Variants in POC1A observed in about 807,000 individuals in gnomAD.
The protein encoded by POC1A is POC1 centriolar protein homolog A.
POC1A carries 34 observed loss-of-function variants against 47.8 expected under a neutral mutation model. That is an observed-to-expected ratio of 0.71 (90% confidence interval 0.54 to 0.95). POC1A has a LOEUF of 0.95. Ranked by LOEUF, POC1A falls within the 40% of genes least tolerant of loss-of-function variation. POC1A has a pLI of 0.00. For synonymous variants in POC1A, 177 were observed against 207.6 expected (o/e 0.85, Z 1.27); for missense variants, 466 against 528.3 (o/e 0.88, Z 1.16).
chr3:52,133,962 G>A (rs547128382), intron 7 of POC1A, among the ~76,000 whole-genome samples: 2 of 152,216 alleles, frequency 1.3e-5, no homozygotes, highest in African/African-American at 2.4e-5. Flanking sequence ...CTCTCTCGCA[G>A]CTCTCCCAAG....
chr3:52,151,169 T>C, intron 1 of POC1A, 69 bp from the exon 2 acceptor site: 1 of 1,604,696 alleles, frequency 6.2e-7, no homozygotes, highest in Middle Eastern at 1.7e-4. Flanking sequence ...GCCAGCACTC[T>C]TCCTACAACA....
intron 9 of POC1A, among the ~76,000 whole-genome samples, chr3:52,106,176 G>A (rs1206761725): frequency 4.2e-5 from 4 of 94,554 alleles, no homozygotes; most frequent in African/African-American, 8.0e-5. Flanking sequence ...GAGAGACTAC[G>A]TCTCAAAAAA....
intron 7 of POC1A, among the ~76,000 whole-genome samples, chr3:52,130,493 G>C (rs1437919328): frequency 6.6e-6 from 1 of 152,196 alleles, no homozygotes. Context: ...GACCCTGGCC[G>C]AAGACACCTG....
rs539829904 is a variant in POC1A, at chr3:52,122,380, A to G, written c.980T>C (p.Leu327Pro). 2.0e-5 allele frequency: 31 copies of G among 1,586,532 alleles called. No individual in the cohort carries two copies. In the Admixed American group the frequency reaches 5.2e-4, roughly 26 times the overall value. The change falls in exon 9 of 11, where the codon CTG becomes CCG. Residue 327 changes from leucine (L) to proline (P), a missense_variant and splice_region_variant. Transcript: ENST00000296484. ...GGACATGCCTGCCAAGCCACTTACC[A>G]GATTCCCCATGGAGCTGGCCAGTGT... Reference protein sequence around the residue: ...PATLASSMGNLPEVDFPVPPG... With the variant: ...PATLASSMGNPPEVDFPVPPG...
At chr3:52,076,952 C>T (rs557392519) in intron 10 of POC1A, among the ~76,000 whole-genome samples, 15 of 152,398 alleles carry the variant, frequency 9.8e-5, no homozygotes, top group African/African-American at 3.6e-4. Context: ...CCTCCTCTGG[C>T]TTTGGATAGA....
At chr3:52,134,090 C>T (rs531868970) in intron 7 of POC1A, among the ~76,000 whole-genome samples, 2 of 152,266 alleles carry the variant, frequency 1.3e-5, no homozygotes, top group South Asian at 2.1e-4. Context: ...CCGACATAAG[C>T]CTGCTGGTAC....
chr3:52,096,841 A>G, intron 9 of POC1A, 129 bp from the exon 10 acceptor site: 1 of 789,740 alleles, frequency 1.3e-6, no homozygotes, highest in Non-Finnish European at 1.9e-6. Context: ...TCCAAGTGTC[A>G]GTAAGAAACA....
intron 2 of POC1A, 129 bp downstream of exon 2, chr3:52,150,887 A>C: frequency 1.3e-6 from 1 of 755,668 alleles, no homozygotes; most frequent in Non-Finnish European, 2.2e-6. Context: ...AGCAGAAGCA[A>C]GACTAGAAGC....
At chr3:52,149,125 G>C in intron 4 of POC1A, 85 bp downstream of exon 4, 13 of 1,170,590 alleles carry the variant, frequency 1.1e-5, no homozygotes, top group Non-Finnish European at 1.7e-5. Context: ...CTTGCCCGAG[G>C]TCATAAGTTG....
chr3:52,138,604 C>A (rs942030094), intron 6 of POC1A, among the ~76,000 whole-genome samples: 11 of 152,218 alleles, frequency 7.2e-5, no homozygotes, highest in African/African-American at 2.4e-5. Context: ...CAGCACCAAG[C>A]GGTCAAGCTG....
At chr3:52,114,786 T>C (rs894212222) in intron 9 of POC1A, among the ~76,000 whole-genome samples, 9 of 152,178 alleles carry the variant, frequency 5.9e-5, no homozygotes, top group Non-Finnish European at 1.2e-4. Flanking sequence ...GTCCCCACTG[T>C]TCCCAAGTCA....
intron 10 of POC1A, among the ~76,000 whole-genome samples, chr3:52,091,038 G>A (rs1235429414): frequency 2.0e-5 from 3 of 152,208 alleles, no homozygotes; most frequent in African/African-American, 7.2e-5. Flanking sequence ...CTGACTCCTT[G>A]TCTGGGTTTT....
chr3:52,135,623 G>A (rs1426719982), intron 7 of POC1A, among the ~76,000 whole-genome samples: 2 of 152,174 alleles, frequency 1.3e-5, no homozygotes, highest in Non-Finnish European at 2.9e-5. Context: ...AGCAAACGCT[G>A]GCAGACCTGG....
intron 9 of POC1A, among the ~76,000 whole-genome samples, chr3:52,118,260 C>T (rs941914348): frequency 2.6e-5 from 4 of 152,164 alleles, no homozygotes; most frequent in Admixed American, 2.6e-4. Context: ...TCATCTGCAA[C>T]CTTCTAAGTA....
At chr3:52,133,670 G>A (rs1210153001) in intron 7 of POC1A, among the ~76,000 whole-genome samples, 1 of 152,120 alleles carries the variant, frequency 6.6e-6, no homozygotes, top group Non-Finnish European at 1.5e-5. Flanking sequence ...AGGTAAATCA[G>A]GGTGAGTTTG....
intron 1 of POC1A, among the ~76,000 whole-genome samples, 184 bp downstream of exon 1, chr3:52,154,171 G>T (rs529496077): frequency 6.6e-6 from 1 of 152,362 alleles, no homozygotes; most frequent in African/African-American, 2.4e-5. Flanking sequence ...GGCCTGGCAC[G>T]CAGGAGGCGC....
At chr3:52,148,029 C>G (rs1180142836) in intron 4 of POC1A, among the ~76,000 whole-genome samples, 1 of 152,252 alleles carries the variant, frequency 6.6e-6, no homozygotes, top group Non-Finnish European at 1.5e-5. Flanking sequence ...CATAAAGCCC[C>G]AGCACTGCCC....
chr3:52,099,590 C>T (rs145796482), intron 9 of POC1A, among the ~76,000 whole-genome samples: 9 of 152,324 alleles, frequency 5.9e-5, no homozygotes, highest in African/African-American at 1.9e-4. Flanking sequence ...GTGACTTACA[C>T]CTGTAACCCA....
intron 8 of POC1A, among the ~76,000 whole-genome samples, chr3:52,123,979 G>A (rs1577879889): frequency 6.6e-6 from 1 of 152,330 alleles, no homozygotes; most frequent in Non-Finnish European, 1.5e-5. Context: ...TGGTGCTGGT[G>A]TGGGAAGATG....
Sources: allele counts gnomAD v4.1 joint callset (sites outside exome capture counted in the v4.1 genomes callset), GRCh38; gene constraint gnomAD v4.1.1; transcripts MANE v1.5; gene names NCBI Gene and HGNC (gene_info 2026-07-23, HGNC 2026-07-21).